The following EXOC6 variants were observed in gnomAD, a reference collection of about 807,000 sequenced individuals.
EXOC6 encodes exocyst complex component 6.
In EXOC6, 60 loss-of-function variants were observed where a neutral mutation model predicts 112.5. The ratio of observed to expected loss-of-function variants is 0.53; its 90% CI spans 0.43 to 0.66. The LOEUF (loss-of-function observed/expected upper bound fraction) is 0.66. EXOC6 is among the 30% of genes least tolerant of loss of function. EXOC6 has a pLI of 0.00. For synonymous variants in EXOC6, 295 were observed against 308.0 expected, an observed-to-expected ratio of 0.96 and a Z score of 0.44; for missense variants, 855 against 957.1, an observed-to-expected ratio of 0.89 and a Z score of 1.41.
At chr10:92,967,107 A>G (rs924916228) in intron 17 of EXOC6, among the ~76,000 whole-genome samples, 3 of 151,670 alleles carry the variant, frequency 2.0e-5, no homozygotes, top group Non-Finnish European at 4.4e-5. Context: ...GTGTCTGGTC[A>G]TATCCTTCGC....
At chr10:92,878,675 C>T (rs1046964792) in intron 1 of EXOC6, among the ~76,000 whole-genome samples, 2 of 152,048 alleles carry the variant, frequency 1.3e-5, no homozygotes, top group African/African-American at 2.4e-5. Context: ...AGAGATAATG[C>T]GATAATTGTC....
At chr10:93,001,413 A>C (rs1843749426) in intron 19 of EXOC6, among the ~76,000 whole-genome samples, 1 of 152,008 alleles carries the variant, frequency 6.6e-6, no homozygotes, top group Non-Finnish European at 1.5e-5. Context: ...ACAATACATC[A>C]CTCTATCAAT....
intron 20 of EXOC6, 108 bp downstream of exon 20, chr10:93,014,375 C>T (rs896804525): frequency 6.1e-6 from 5 of 825,148 alleles, no homozygotes; most frequent in Admixed American, 2.2e-5. Flanking sequence ...TTGAAACAAC[C>T]TATCTTAAGA....
chr10:92,893,543 T>C, intron 2 of EXOC6, 23 bp downstream of exon 2: 1 of 1,581,488 alleles, frequency 6.3e-7, no homozygotes, highest in South Asian at 1.2e-5. Context: ...TTAAAATTAT[T>C]TGCCTTTGTT....
At chr10:92,977,862 G>A (rs1417408678) in intron 18 of EXOC6, among the ~76,000 whole-genome samples, 2 of 152,144 alleles carry the variant, frequency 1.3e-5, no homozygotes, top group Non-Finnish European at 2.9e-5. Flanking sequence ...ACATCCTAGA[G>A]GAAACCCTGC....
At chr10:92,965,360 AT>A (rs953703346) in intron 17 of EXOC6, among the ~76,000 whole-genome samples, 2 of 152,006 alleles carry the variant, frequency 1.3e-5, no homozygotes, top group African/African-American at 4.8e-5. Flanking sequence ...ACACATTGAA[AT>A]TTTTTTTAAA....
At chr10:92,932,947 C>T (rs1292548563) in intron 9 of EXOC6, among the ~76,000 whole-genome samples, 1 of 152,052 alleles carries the variant, frequency 6.6e-6, no homozygotes. Flanking sequence ...CAGTTTGAAG[C>T]GTCCAGCAGA....
chr10:92,837,378 C>T (rs879921253), intron 1 of EXOC6, among the ~76,000 whole-genome samples: 33 of 152,144 alleles, frequency 2.2e-4, no homozygotes, highest in Non-Finnish European at 4.1e-4. Flanking sequence ...TATTTTAAAA[C>T]GTCAAGCTCT....
Position 92,940,843 on chromosome 10 carries a change from G to A in EXOC6, c.1310+19G>A, listed in dbSNP as rs779492298. On this transcript the variant is annotated intron_variant, in intron 13 of 21. Coordinates refer to ENST00000260762, the MANE Select transcript of EXOC6 (RefSeq NM_019053.6). Reference sequence around the variant, plus strand: ...TTTTCAGGTTAGTCTAAGTCATGGTGCCTTAATATAATGAATATGTTTGTC... The same window carrying A: ...TTTTCAGGTTAGTCTAAGTCATGGTACCTTAATATAATGAATATGTTTGTC... 2.1e-6 allele frequency: 3 copies of A among 1,457,996 alleles called. No homozygotes were observed. Among genetic ancestry groups the A allele is most frequent in the African/African-American group, 1.4e-5 (1 of 71,040 alleles). The allele number at this position is 1,457,996 out of a possible 1,614,324, so 90.3% of individuals were successfully genotyped here. A position where few individuals can be genotyped will look rare whatever the true frequency, so the allele number is the denominator to read the frequency against.
At chr10:92,975,265 C>G (rs1365393094) in intron 18 of EXOC6, among the ~76,000 whole-genome samples, 1 of 151,534 alleles carries the variant, frequency 6.6e-6, no homozygotes, top group South Asian at 2.1e-4. Flanking sequence ...GCGACCCCGT[C>G]TGGGAGGTGA....
intron 20 of EXOC6, among the ~76,000 whole-genome samples, chr10:93,048,148 A>G (rs766086991): frequency 1.1e-4 from 16 of 152,136 alleles, no homozygotes; most frequent in Non-Finnish European, 1.5e-4. Context: ...TAGCATTAGG[A>G]GATATACCTA....
At chr10:92,889,168 C>T (rs1034123580) in intron 1 of EXOC6, among the ~76,000 whole-genome samples, 4 of 151,894 alleles carry the variant, frequency 2.6e-5, no homozygotes, top group Non-Finnish European at 5.9e-5. Context: ...ACTTGTTTAA[C>T]GAGGATTTGG....
chr10:93,057,554 C>G (rs1846604863), intron 21 of EXOC6, among the ~76,000 whole-genome samples: 2 of 152,046 alleles, frequency 1.3e-5, no homozygotes, highest in Admixed American at 1.3e-4. Context: ...TAGGTGTTAA[C>G]TTTTCCCTCT....
At position 93,058,410 on chromosome 10, in the gene EXOC6, G is replaced by GATCA; in HGVS notation, c.*56_*57insTCAA. ...AAATCCATGATTCAATGTTGATCTTGAGCAAGTATTGGTCATGATACAGTA... is the reference window on the plus strand; with the variant it reads ...AAATCCATGATTCAATGTTGATCTTGATCAAGCAAGTATTGGTCATGATACAGTA... On this transcript the variant is annotated 3_prime_UTR_variant, in exon 22 of 22. Transcript: ENST00000260762. The GATCA allele has an allele frequency of 1.3e-6, 2 of 1,489,030 alleles. No individual in the cohort carries two copies. The highest frequency in any genetic ancestry group is 1.8e-6 in the Non-Finnish European group (2 of 1,112,712). 92.2% of individuals were successfully genotyped at this position (1,489,030 alleles called of 1,614,324 possible).
At chr10:92,980,831 G>A (rs998035899) in intron 18 of EXOC6, among the ~76,000 whole-genome samples, 15 of 152,038 alleles carry the variant, frequency 9.9e-5, no homozygotes, top group Non-Finnish European at 1.9e-4. Context: ...CAAGTATAAA[G>A]AAGGAGGCAA....
At chr10:92,970,278 A>T (rs1842245096) in intron 17 of EXOC6, among the ~76,000 whole-genome samples, 1 of 152,212 alleles carries the variant, frequency 6.6e-6, no homozygotes, top group African/African-American at 2.4e-5. Context: ...CTGAACATGT[A>T]CAGACTTCTT....
At chr10:92,974,765 G>A (rs1307608363) in intron 18 of EXOC6, among the ~76,000 whole-genome samples, 2 of 152,132 alleles carry the variant, frequency 1.3e-5, no homozygotes, top group African/African-American at 2.4e-5. Flanking sequence ...ACGGGGTTTC[G>A]CTGTGTTGGC....
intron 17 of EXOC6, among the ~76,000 whole-genome samples, chr10:92,973,652 T>G (rs1362713086): frequency 3.3e-5 from 5 of 152,222 alleles, no homozygotes; most frequent in Non-Finnish European, 7.3e-5. Context: ...GATATTCCAT[T>G]TCTTCTGTGA....
intron 20 of EXOC6, among the ~76,000 whole-genome samples, chr10:93,039,833 C>G (rs1845679438): frequency 6.6e-6 from 1 of 152,210 alleles, no homozygotes; most frequent in Non-Finnish European, 1.5e-5. Flanking sequence ...AATGGCCCTA[C>G]TGCTTCAACT....
Sources: allele counts gnomAD v4.1 joint callset (sites outside exome capture counted in the v4.1 genomes callset), GRCh38; gene constraint gnomAD v4.1.1; transcripts MANE v1.5; gene names NCBI Gene and HGNC (gene_info 2026-07-23, HGNC 2026-07-21).